PACSIN2: variants seen among roughly 807,000 people sequenced by gnomAD.
PACSIN2 encodes the protein protein kinase C and casein kinase substrate in neurons 2.
A neutral mutation model predicts 63.8 loss-of-function variants in PACSIN2; 25 were observed. The observed-to-expected ratio is 0.39, with a 90% CI of 0.29 to 0.55. The LOEUF (loss-of-function observed/expected upper bound fraction) is 0.55. Among genes scored for constraint, PACSIN2 ranks in the 20% least tolerant of loss-of-function variants. The pLI is 0.62. For missense variants in PACSIN2, 518 were observed against 646.9 expected, an observed-to-expected ratio of 0.80 and a Z score of 2.16; for synonymous variants, 255 against 256.2, an observed-to-expected ratio of 1.00 and a Z score of 0.05.
chr22:42,939,706 A>T (rs1295598038), intron 1 of PACSIN2, among the ~76,000 whole-genome samples: 1 of 152,198 alleles, frequency 6.6e-6, no homozygotes, highest in Non-Finnish European at 1.5e-5. Context: ...TGGCTTTTAC[A>T]GTCTGCCTAA....
intron 1 of PACSIN2, among the ~76,000 whole-genome samples, chr22:43,011,164 G>A (rs1924463859): frequency 6.6e-6 from 1 of 152,156 alleles, no homozygotes; most frequent in Non-Finnish European, 1.5e-5. Context: ...TGGTATGTGA[G>A]GGATCAGTGC....
At chr22:42,936,795 C>T (rs1156576629) in intron 1 of PACSIN2, among the ~76,000 whole-genome samples, 1 of 151,464 alleles carries the variant, frequency 6.6e-6, no homozygotes, top group Non-Finnish European at 1.5e-5. Context: ...TCTGCAATTC[C>T]AGCTACTCAG....
rs562935919 is a variant in PACSIN2 at position 42,877,196 on chromosome 22, C to G, written c.1029-186G>C. On this transcript the variant is annotated intron_variant, in intron 8 of 10. Transcript: ENST00000263246. The stretch of plus-strand genomic sequence containing the variant: ...CAATACTTCAGCTGTGAAACACGGT[C>G]CAGGAGCCTAGGAGAGGACTTGGTT... Among the ~76,000 whole-genome samples, 772 of 152,300 alleles carry G rather than the reference C, an allele frequency of 5.1e-3. 3 individuals carry two copies. Among genetic ancestry groups the G allele is most frequent in the Non-Finnish European group, 7.2e-3 (487 of 68,030 alleles).
At chr22:42,935,587 A>G (rs1332420914) in intron 1 of PACSIN2, among the ~76,000 whole-genome samples, 1 of 152,244 alleles carries the variant, frequency 6.6e-6, no homozygotes, top group African/African-American at 2.4e-5. Flanking sequence ...AATCTTTTGC[A>G]ACACAAATTA....
chr22:42,893,696 A>G (rs1930085165), intron 2 of PACSIN2, 83 bp from the exon 3 acceptor site: 1 of 1,418,104 alleles, frequency 7.1e-7, no homozygotes, highest in Non-Finnish European at 9.8e-7. Flanking sequence ...CATGCCAACC[A>G]GGCCCTGATG....
At chr22:42,998,121 A>G (rs1923535051) in intron 1 of PACSIN2, among the ~76,000 whole-genome samples, 1 of 152,242 alleles carries the variant, frequency 6.6e-6, no homozygotes, top group Non-Finnish European at 1.5e-5. Context: ...AACTAGAGCC[A>G]ACCCCAGGTT....
intron 1 of PACSIN2, among the ~76,000 whole-genome samples, chr22:42,943,310 T>C (rs1258241788): frequency 1.3e-5 from 2 of 152,230 alleles, no homozygotes; most frequent in Non-Finnish European, 2.9e-5. Flanking sequence ...TGATTTTCTT[T>C]ATATAAGATC....
intron 1 of PACSIN2, among the ~76,000 whole-genome samples, chr22:42,919,114 C>CA (rs926935845): frequency 1.3e-5 from 2 of 152,166 alleles, no homozygotes. Flanking sequence ...TTTATTAATG[C>CA]AAAAAATATG....
At chr22:42,943,396 G>A (rs1425092757) in intron 1 of PACSIN2, among the ~76,000 whole-genome samples, 1 of 151,900 alleles carries the variant, frequency 6.6e-6, no homozygotes, top group Non-Finnish European at 1.5e-5. Flanking sequence ...GTCTAACTTC[G>A]AAGTTCCTGG....
chr22:42,905,663 T>C (rs1168031682), intron 2 of PACSIN2, among the ~76,000 whole-genome samples: 1 of 152,216 alleles, frequency 6.6e-6, no homozygotes, highest in Non-Finnish European at 1.5e-5. Context: ...CCGAAGACAA[T>C]GTTGTAGATG....
chr22:42,943,250 C>A (rs1933256419), intron 1 of PACSIN2, among the ~76,000 whole-genome samples: 1 of 152,136 alleles, frequency 6.6e-6, no homozygotes, highest in Non-Finnish European at 1.5e-5. Flanking sequence ...TATCCTACAA[C>A]CTTGCTGAAC....
intron 2 of PACSIN2, among the ~76,000 whole-genome samples, chr22:42,894,079 T>G (rs914487431): frequency 6.6e-6 from 1 of 152,176 alleles, no homozygotes; most frequent in Non-Finnish European, 1.5e-5. Flanking sequence ...CCTGAGCACC[T>G]ACCATGTGCC....
chr22:42,902,190 A>T (rs1475731644), intron 2 of PACSIN2, among the ~76,000 whole-genome samples: 1 of 152,202 alleles, frequency 6.6e-6, no homozygotes, highest in Non-Finnish European at 1.5e-5. Flanking sequence ...TGTGAGAAGG[A>T]ACACTCTGGG....
chr22:42,934,293 C>G (rs543996342), intron 1 of PACSIN2, among the ~76,000 whole-genome samples: 1 of 152,240 alleles, frequency 6.6e-6, no homozygotes, highest in African/African-American at 2.4e-5. Flanking sequence ...ACCAGTCAAT[C>G]TGGTAAAGAG....
chr22:42,932,427 C>T (rs1459453871), intron 1 of PACSIN2, among the ~76,000 whole-genome samples: 1 of 152,208 alleles, frequency 6.6e-6, no homozygotes, highest in Admixed American at 6.5e-5. Context: ...AGTCTGCTTT[C>T]CCCTCTAGAC....
At chr22:42,883,219 G>A (rs1198956483) in intron 6 of PACSIN2, among the ~76,000 whole-genome samples, 1 of 152,144 alleles carries the variant, frequency 6.6e-6, no homozygotes, top group East Asian at 1.9e-4. Flanking sequence ...CCTGCCAGCA[G>A]AGCAGCCTCG....
intron 4 of PACSIN2, 126 bp downstream of exon 4, chr22:42,890,821 C>CT: frequency 1.4e-6 from 1 of 690,402 alleles, no homozygotes; most frequent in South Asian, 1.8e-5. Context: ...GTGGCTTCAT[C>CT]TCTACCAGGT....
chr22:42,871,118 G>C lies in PACSIN2; in HGVS notation c.*239C>G, dbSNP rs1928074522. On this transcript the variant is annotated 3_prime_UTR_variant, in exon 11 of 11. Transcript: ENST00000263246. This position sits in a 1 kb window ranked among gnomAD's most constrained non-coding sequence, Gnocchi z 5.4. The stretch of plus-strand genomic sequence containing the variant: ...TGATAGGCCAACAGGCACAGTGGGC[G>C]GGGAGGGGCGGCTATTTCTGTTGTT... 1 of 558,342 alleles carries C rather than the reference G, an allele frequency of 1.8e-6. No homozygotes were observed. Among genetic ancestry groups the C allele is most frequent in the East Asian group, 3.0e-5 (1 of 33,318 alleles). The allele number at this position is 558,342 out of a possible 1,614,324, so 34.6% of individuals were successfully genotyped here. A position where few individuals can be genotyped will look rare whatever the true frequency, so the allele number is the denominator to read the frequency against.
rs768277095 is a variant in PACSIN2, at chr22:42,882,219, C to T, written c.871G>A (p.Gly291Arg). The stretch of plus-strand genomic sequence containing the variant: ...GGCCAGTTCATGGCCATGCCCGGCC[C>T]GTGATTGGCTCGGAACCACCTCAGG... ...EDLRWFRANH[G>R]PGMAMNWPQF... Residue 291 changes from glycine (G) to arginine (R), a missense_variant, in exon 7 of 11, where the codon GGG (glycine) becomes AGG (arginine). Coordinates refer to ENST00000263246, the MANE Select transcript of PACSIN2 (RefSeq NM_001184970.3). 1.1e-5 allele frequency: 18 copies of T among 1,613,974 alleles called. No individual in the cohort carries two copies. Among genetic ancestry groups the T allele is most frequent in the South Asian group, 3.3e-5 (3 of 91,084 alleles).
Sources: allele counts gnomAD v4.1 joint callset (sites outside exome capture counted in the v4.1 genomes callset), GRCh38; gene constraint gnomAD v4.1.1; non-coding constraint Gnocchi (gnomAD v3.1); transcripts MANE v1.5; gene names NCBI Gene and HGNC (gene_info 2026-07-23, HGNC 2026-07-21).